The following CNTNAP3B variants were observed in gnomAD, a reference collection of about 807,000 sequenced individuals.
CNTNAP3B encodes contactin-associated protein-like 3B.
A neutral mutation model predicts 108.9 loss-of-function variants in CNTNAP3B; 25 were observed. That is an observed-to-expected ratio of 0.23 (90% confidence interval 0.17 to 0.32). The LOEUF (loss-of-function observed/expected upper bound fraction) is 0.32. CNTNAP3B is among the 10% of genes least tolerant of loss of function. The pLI is 1.00. For synonymous variants in CNTNAP3B, 103 were observed against 473.4 expected (o/e 0.22, Z 10.16); for missense variants, 252 against 1,210.4 (o/e 0.21, Z 11.75).
chr9:42,112,224 T>C (rs1828205601), intron 1 of CNTNAP3B, among the ~76,000 whole-genome samples: 1 of 139,830 alleles, frequency 7.2e-6, no homozygotes, highest in Non-Finnish European at 1.5e-5. Flanking sequence ...ACTTATTATC[T>C]TCAGGGCTCA....
At chr9:42,111,718 C>A (rs1221719973) in intron 1 of CNTNAP3B, among the ~76,000 whole-genome samples, 8 of 138,666 alleles carry the variant, frequency 5.8e-5, no homozygotes. Context: ...GAGCCCCCAC[C>A]CTTATCTTCC....
chr9:41,933,030 T>C (rs1347443359), intron 14 of CNTNAP3B, among the ~76,000 whole-genome samples: 20 of 152,414 alleles, frequency 1.3e-4, no homozygotes, highest in Admixed American at 1.0e-3. Flanking sequence ...TCTTAAAAAT[T>C]ATCTTGCTTA....
At chr9:42,089,471 T>TATTACA (rs1208382154) in intron 2 of CNTNAP3B, among the ~76,000 whole-genome samples, 1 of 138,512 alleles carries the variant, frequency 7.2e-6, no homozygotes. Flanking sequence ...TAACAAACCA[T>TATTACA]TTGTGGGTCA....
intron 13 of CNTNAP3B, among the ~76,000 whole-genome samples, chr9:41,950,280 C>T (rs1237213108): frequency 1.4e-4 from 11 of 81,462 alleles, no homozygotes; most frequent in African/African-American, 4.0e-4. Context: ...TGAAATCATA[C>T]ACTGTTGGTG....
intron 14 of CNTNAP3B, among the ~76,000 whole-genome samples, chr9:41,935,271 A>T (rs1303956265): frequency 6.6e-6 from 1 of 152,158 alleles, no homozygotes; most frequent in East Asian, 1.9e-4. Context: ...CGAGTTGCTG[A>T]TTACAGGGAC....
At chr9:41,948,034 G>GAAAA (rs201395297) in intron 13 of CNTNAP3B, among the ~76,000 whole-genome samples, 13 of 148,468 alleles carry the variant, frequency 8.8e-5, no homozygotes, top group African/African-American at 2.7e-4. Context: ...TAAAATTACT[G>GAAAA]AAAAAAAATC....
chr9:42,098,957 C>G (rs1384317000), intron 2 of CNTNAP3B, among the ~76,000 whole-genome samples: 1 of 135,864 alleles, frequency 7.4e-6, no homozygotes, highest in African/African-American at 2.9e-5. Flanking sequence ...CTGCCCACAT[C>G]CGAAGGGCTG....
At chr9:41,968,015 T>A (rs1243202284) in intron 10 of CNTNAP3B, among the ~76,000 whole-genome samples, 6 of 152,256 alleles carry the variant, frequency 3.9e-5, no homozygotes, top group Non-Finnish European at 7.3e-5. Context: ...TAGGCACCAA[T>A]GTAACTCTTG....
chr9:42,079,785 G>T (rs1035303326), intron 2 of CNTNAP3B, among the ~76,000 whole-genome samples: 1 of 138,686 alleles, frequency 7.2e-6, no homozygotes, highest in African/African-American at 2.9e-5. Flanking sequence ...CTCCCAAAGT[G>T]CTGGGATTAC....
intron 12 of CNTNAP3B, among the ~76,000 whole-genome samples, chr9:41,954,314 C>G (rs1824790607): frequency 6.6e-6 from 1 of 152,286 alleles, no homozygotes; most frequent in Non-Finnish European, 1.5e-5. Flanking sequence ...CCCTTCACAT[C>G]TCAGGATTTT....
chr9:41,940,360 A>G (rs868044168), intron 13 of CNTNAP3B, among the ~76,000 whole-genome samples: 2 of 152,402 alleles, frequency 1.3e-5, no homozygotes, highest in African/African-American at 2.4e-5. Context: ...AGAATAACAC[A>G]TTACCTGCCT....
intron 1 of CNTNAP3B, among the ~76,000 whole-genome samples, chr9:42,117,961 C>T (rs1255555492): frequency 7.3e-6 from 1 of 137,124 alleles, no homozygotes; most frequent in African/African-American, 2.9e-5. Context: ...ATACATCCTC[C>T]CAAGACTAAA....
rs756100967 is a variant in CNTNAP3B at position 41,953,345 on chromosome 9, C to T, written c.1918G>A (p.Ala640Thr). ...WTVVRHGGPD[A>T]VTLRGAPSGH... Reference sequence around the variant, plus strand: ...CTGGGGGCACCTCGGAGGGTCACCGCGTCGGGGCCACCGTGCCGCACCACC... The same window carrying T: ...CTGGGGGCACCTCGGAGGGTCACCGTGTCGGGGCCACCGTGCCGCACCACC... Residue 640 changes from alanine to threonine, a missense_variant, in exon 13 of 24, where the codon GCG (alanine) becomes ACG (threonine). Coordinates refer to ENST00000377561, the MANE Select transcript of CNTNAP3B (RefSeq NM_001201380.3). 1.9e-5 allele frequency: 30 copies of T among 1,552,712 alleles called. No homozygotes were observed. Among genetic ancestry groups the T allele is most frequent in the South Asian group, 1.6e-4 (14 of 85,458 alleles).
intron 3 of CNTNAP3B, among the ~76,000 whole-genome samples, chr9:42,074,988 C>T (rs1317696420): frequency 2.7e-5 from 4 of 146,786 alleles, no homozygotes; most frequent in East Asian, 2.0e-4. Flanking sequence ...AGGTGTCTGC[C>T]GGCCGTGCTG....
chr9:42,073,282 G>A (rs777804880), intron 3 of CNTNAP3B, among the ~76,000 whole-genome samples: 1 of 72,698 alleles, frequency 1.4e-5, no homozygotes, highest in Non-Finnish European at 2.6e-5. Flanking sequence ...AGCTGGAAAT[G>A]CATTCTGTTC....
At chr9:42,112,247 T>G (rs1348054682) in intron 1 of CNTNAP3B, among the ~76,000 whole-genome samples, 2 of 139,910 alleles carry the variant, frequency 1.4e-5, no homozygotes, top group African/African-American at 5.7e-5. Context: ...TCAAGTTTTG[T>G]CTCTGCTCTG....
intron 13 of CNTNAP3B, among the ~76,000 whole-genome samples, chr9:41,943,080 G>C (rs1173849815): frequency 6.6e-6 from 1 of 152,284 alleles, no homozygotes; most frequent in Non-Finnish European, 1.5e-5. Context: ...ATATGCTAAG[G>C]GCTCTATGTT....
At chr9:41,943,836 A>AG (rs1824441633) in intron 13 of CNTNAP3B, among the ~76,000 whole-genome samples, 1 of 152,084 alleles carries the variant, frequency 6.6e-6, no homozygotes, top group African/African-American at 2.4e-5. Flanking sequence ...CAGGTTAAAT[A>AG]CAAAAAAAAC....
intron 10 of CNTNAP3B, among the ~76,000 whole-genome samples, chr9:41,968,298 A>G (rs999224354): frequency 7.7e-5 from 11 of 142,930 alleles, no homozygotes; most frequent in Non-Finnish European, 1.5e-4. Context: ...ATGGGACATT[A>G]CCCCTTAACT....
Sources: allele counts gnomAD v4.1 joint callset (sites outside exome capture counted in the v4.1 genomes callset), GRCh38; gene constraint gnomAD v4.1.1; transcripts MANE v1.5; gene names NCBI Gene and HGNC (gene_info 2026-07-23, HGNC 2026-07-21).